TMEM74: variants seen among roughly 807,000 people sequenced by gnomAD.
The protein encoded by TMEM74 is transmembrane protein 74.
A neutral mutation model predicts 18.1 loss-of-function variants in TMEM74; 13 were observed. That is an observed-to-expected ratio of 0.72 (90% confidence interval 0.47 to 1.14). The LOEUF (loss-of-function observed/expected upper bound fraction) is 1.14. Ranked by LOEUF, TMEM74 falls within the 50% of genes most tolerant of loss-of-function variation. The pLI is 0.00. For missense variants in TMEM74, 372 were observed against 375.9 expected, an observed-to-expected ratio of 0.99 and a Z score of 0.09; for synonymous variants, 159 against 146.6, an observed-to-expected ratio of 1.08 and a Z score of -0.61.
At chr8:108,668,290 T>C (rs1457531820) in intron 1 of TMEM74, among the ~76,000 whole-genome samples, 1 of 152,200 alleles carries the variant, frequency 6.6e-6, no homozygotes, top group Non-Finnish European at 1.5e-5. Flanking sequence ...GCTTAATACA[T>C]TTATCAAAAC....
At chr8:108,671,526 A>G (rs1813005058) in intron 1 of TMEM74, among the ~76,000 whole-genome samples, 6 of 152,102 alleles carry the variant, frequency 3.9e-5, no homozygotes. Flanking sequence ...GGTTTTCACA[A>G]CTCAGGAAGC....
At position 108,783,951 on chromosome 8, in the gene TMEM74, C is replaced by A; in HGVS notation, c.*230G>T. 1 of 371,710 alleles carries A rather than the reference C, an allele frequency of 2.7e-6. No homozygotes were observed. The highest frequency in any genetic ancestry group is 7.3e-5 in the South Asian group (1 of 13,676). The allele number at this position is 371,710 out of a possible 1,614,324, so 23.0% of individuals were successfully genotyped here. A position where few individuals can be genotyped will look rare whatever the true frequency, so the allele number is the denominator to read the frequency against. On this transcript the variant is annotated 3_prime_UTR_variant, in exon 2 of 2. Coordinates refer to ENST00000297459, the MANE Select transcript of TMEM74 (RefSeq NM_153015.3). ...TTCTTGGCCATTACAGATTAATTAGCCTTCAGCTCTTCAGAAGGATAGGTG... is the reference window on the plus strand; with the variant it reads ...TTCTTGGCCATTACAGATTAATTAGACTTCAGCTCTTCAGAAGGATAGGTG...
At chr8:108,767,871 G>GT (rs199764011) in intron 1 of TMEM74, among the ~76,000 whole-genome samples, 5 of 147,124 alleles carry the variant, frequency 3.4e-5, no homozygotes, top group African/African-American at 4.9e-5. Context: ...ACCATATACC[G>GT]TTTTTTTTCA....
intron 1 of TMEM74, among the ~76,000 whole-genome samples, chr8:108,729,914 A>T (rs1813677280): frequency 6.6e-6 from 1 of 152,216 alleles, no homozygotes; most frequent in Non-Finnish European, 1.5e-5. Context: ...ACATTAGTGG[A>T]CAAATAAGTT....
chr8:108,765,981 C>G (rs964259979), intron 1 of TMEM74, among the ~76,000 whole-genome samples: 2 of 151,820 alleles, frequency 1.3e-5, no homozygotes, highest in African/African-American at 4.8e-5. Context: ...TTGGAAAAAG[C>G]AAAAAGTATA....
intron 1 of TMEM74, among the ~76,000 whole-genome samples, chr8:108,694,248 G>T (rs1586263784): frequency 6.6e-6 from 1 of 152,102 alleles, no homozygotes; most frequent in African/African-American, 2.4e-5. Flanking sequence ...AGTTCCAAAA[G>T]GTGTAAGCAA....
At chr8:108,664,401 T>C (rs1187864203) in intron 1 of TMEM74, among the ~76,000 whole-genome samples, 9 of 152,134 alleles carry the variant, frequency 5.9e-5, no homozygotes, top group Admixed American at 5.9e-4. Flanking sequence ...GTGCATAGTA[T>C]TGAGTTCTTA....
chr8:108,778,217 A>G (rs563235771), downstream of TMEM74, among the ~76,000 whole-genome samples: 114 of 152,318 alleles, frequency 7.5e-4, no homozygotes, highest in South Asian at 2.5e-3. Context: ...TCCTCATTTC[A>G]GGGCTCATGA....
chr8:108,684,693 G>GTTTT (rs34098450), intron 1 of TMEM74, among the ~76,000 whole-genome samples: 1 of 147,328 alleles, frequency 6.8e-6, no homozygotes. Context: ...TTTTCTAATA[G>GTTTT]TTTTTTTTTT....
intron 1 of TMEM74, among the ~76,000 whole-genome samples, chr8:108,704,246 C>A (rs1813369165): frequency 6.6e-6 from 1 of 152,162 alleles, no homozygotes; most frequent in Non-Finnish European, 1.5e-5. Flanking sequence ...AGACTGGGGA[C>A]AGGGTTATAG....
chr8:108,779,027 T>A lies in TMEM74; in HGVS notation c.*5154A>T, dbSNP rs1814270492. 6.6e-6 allele frequency among the ~76,000 whole-genome samples: 1 copy of A among 152,192 alleles called. No individual in the cohort carries two copies. The highest frequency in any genetic ancestry group is 1.5e-5 in the Non-Finnish European group (1 of 68,038). ...TTGGACAAATAATTTCAAATATAAT[T>A]TTAAAAGACCAAATCAGCATTACAG... On this transcript the variant is annotated 3_prime_UTR_variant, in exon 2 of 2. Transcript: ENST00000297459.
chr8:108,629,079 G>A (rs780557077), intron 2 of TMEM74, among the ~76,000 whole-genome samples: 2 of 151,860 alleles, frequency 1.3e-5, no homozygotes, highest in Non-Finnish European at 2.9e-5. Context: ...TTCCCATTCT[G>A]TAGATTGCCT....
intron 1 of TMEM74, among the ~76,000 whole-genome samples, chr8:108,736,477 A>ATTTCTACAT (rs1813750799): frequency 6.6e-6 from 1 of 152,146 alleles, no homozygotes; most frequent in Non-Finnish European, 1.5e-5. Flanking sequence ...TGCCACTCTT[A>ATTTCTACAT]GAACAGTATT....
chr8:108,670,034 TGAAAAA>T (rs1812987783), intron 1 of TMEM74, among the ~76,000 whole-genome samples: 2 of 113,942 alleles, frequency 1.8e-5, no homozygotes, highest in African/African-American at 3.4e-5. Context: ...TAAGATTCTG[TGAAAAA>T]AAAAAAAAAA....
chr8:108,660,539 A>T (rs1166526709), intron 1 of TMEM74, among the ~76,000 whole-genome samples: 1 of 152,194 alleles, frequency 6.6e-6, no homozygotes, highest in Non-Finnish European at 1.5e-5. Context: ...CCTGACACTT[A>T]GAGAAACTCT....
At chr8:108,625,397 A>T (rs1158938969) in intron 2 of TMEM74, among the ~76,000 whole-genome samples, 2 of 152,108 alleles carry the variant, frequency 1.3e-5, no homozygotes, top group African/African-American at 4.8e-5. Context: ...ATGAGATCAC[A>T]GTTAAATACT....
chr8:108,618,060 G>A (rs890795402), intron 2 of TMEM74, among the ~76,000 whole-genome samples: 5 of 152,060 alleles, frequency 3.3e-5, no homozygotes, highest in Non-Finnish European at 7.4e-5. Context: ...TTTGTCCTCT[G>A]TATTTTAAAA....
At chr8:108,762,184 A>G (rs1814052211) in intron 1 of TMEM74, among the ~76,000 whole-genome samples, 1 of 152,156 alleles carries the variant, frequency 6.6e-6, no homozygotes, top group African/African-American at 2.4e-5. Context: ...GGCATAGACT[A>G]TCATCTCCAT....
At chr8:108,731,137 A>G (rs1813691241) in intron 1 of TMEM74, among the ~76,000 whole-genome samples, 1 of 151,856 alleles carries the variant, frequency 6.6e-6, no homozygotes, top group Non-Finnish European at 1.5e-5. Context: ...GTGTCTTAGA[A>G]TTTATATGTT....
Sources: gnomAD v4.1 joint callset for allele counts (sites outside exome capture counted in the v4.1 genomes callset) on GRCh38, gnomAD v4.1.1 for gene constraint, MANE v1.5 for transcripts, NCBI Gene and HGNC (gene_info 2026-07-23, HGNC 2026-07-21) for gene names.